The following TTLL11 variants were observed in gnomAD, a reference collection of about 807,000 sequenced individuals.
TTLL11 encodes tubulin tyrosine ligase like 11.
A neutral mutation model predicts 51.7 loss-of-function variants in TTLL11; 42 were observed. The observed-to-expected ratio is 0.81, with a 90% confidence interval of 0.64 to 1.05. The LOEUF is 1.05. Ranked by LOEUF, TTLL11 falls within the 50% of genes least tolerant of loss-of-function variation. TTLL11 has a pLI of 0.00. For synonymous variants in TTLL11, 381 were observed against 383.5 expected, an observed-to-expected ratio of 0.99 and a Z score of 0.08; for missense variants, 799 against 940.4, an observed-to-expected ratio of 0.85 and a Z score of 1.97.
At chr9:122,000,353 T>C (rs1489083932) in intron 3 of TTLL11, among the ~76,000 whole-genome samples, 1 of 151,100 alleles carries the variant, frequency 6.6e-6, no homozygotes, top group Non-Finnish European at 1.5e-5. Context: ...GCACCTGTAG[T>C]CCCAGCTACT....
chr9:121,979,023 T>C (rs1001930870), intron 4 of TTLL11, among the ~76,000 whole-genome samples: 2 of 117,244 alleles, frequency 1.7e-5, no homozygotes, highest in African/African-American at 5.7e-5. Flanking sequence ...TTCTAACAGA[T>C]AGAATAGGGC....
At chr9:122,031,381 G>C (rs1458107228) in intron 3 of TTLL11, among the ~76,000 whole-genome samples, 2 of 152,200 alleles carry the variant, frequency 1.3e-5, no homozygotes, top group African/African-American at 2.4e-5. Context: ...CACGGCTCTA[G>C]GATTCCCCCA....
At chr9:122,065,273 T>C (rs1845549288) in intron 1 of TTLL11, among the ~76,000 whole-genome samples, 1 of 152,038 alleles carries the variant, frequency 6.6e-6, no homozygotes, top group South Asian at 2.1e-4. Flanking sequence ...CTGGGTAGAG[T>C]TCCTCGAAGT....
intron 4 of TTLL11, among the ~76,000 whole-genome samples, chr9:121,984,776 C>A (rs1397193655): frequency 6.6e-6 from 1 of 152,190 alleles, no homozygotes; most frequent in Non-Finnish European, 1.5e-5. Context: ...AAGATACAGA[C>A]CAAGCAATGG....
chr9:121,822,874 A>G lies in TTLL11; in HGVS notation c.1846T>C (p.Cys616Arg). The G allele has an allele frequency of 6.5e-7, 1 of 1,549,202 alleles. No individual in the cohort carries two copies. Among genetic ancestry groups the G allele is most frequent in the Non-Finnish European group, 8.7e-7 (1 of 1,145,906 alleles). The change falls in exon 9 of 9, where the codon TGT (cysteine) becomes CGT (arginine). Residue 616 changes from cysteine to arginine, a missense_variant. Around this residue, in one of 3 missense-constraint regions of TTLL11, gnomAD observed 165 missense variants for 166.1 expected, o/e 0.99. Transcript: ENST00000321582. This position sits in a 1 kb window ranked among gnomAD's most constrained non-coding sequence, Gnocchi z 5.8. ...AAAGCTTCTACGAAGGCCTGCAGAC[A>G]CATCCCTGTGAACAAAGAGACTGGA... ...MTLDQRDSGMCLQAFVEAFFF... is the reference protein window; with the variant it reads ...MTLDQRDSGMRLQAFVEAFFF...
rs145871219 is a variant in TTLL11, at chr9:121,837,984, T to C, written c.1841-15105A>G. ...CTGGCTTCTGTCTGCTTTTCCTTGCTGTGGGCCCCACAGGGCTCTCTCTCT... is the reference window on the plus strand; with the variant it reads ...CTGGCTTCTGTCTGCTTTTCCTTGCCGTGGGCCCCACAGGGCTCTCTCTCT... On this transcript the variant is annotated intron_variant, in intron 8 of 8. Coordinates refer to ENST00000321582, the MANE Select transcript of TTLL11 (RefSeq NM_001139442.2). 2.6e-5 allele frequency among the ~76,000 whole-genome samples: 4 copies of C among 152,328 alleles called. No homozygotes were observed. In the East Asian group the frequency reaches 7.7e-4, roughly 29 times the overall value.
At chr9:122,065,370 C>T (rs1397759364) in intron 1 of TTLL11, among the ~76,000 whole-genome samples, 1 of 152,206 alleles carries the variant, frequency 6.6e-6, no homozygotes, top group African/African-American at 2.4e-5. Flanking sequence ...AAAAATGCTG[C>T]CCCTCCTTTC....
chr9:121,931,852 C>T (rs1227794017), intron 6 of TTLL11, among the ~76,000 whole-genome samples: 1 of 152,120 alleles, frequency 6.6e-6, no homozygotes, highest in East Asian at 1.9e-4. Flanking sequence ...ACTGTGGCTC[C>T]TCTCGCCCCA....
chr9:122,014,235 C>T (rs1381826517), intron 3 of TTLL11, among the ~76,000 whole-genome samples: 1 of 152,074 alleles, frequency 6.6e-6, no homozygotes. Context: ...CATGGTGGCG[C>T]AGGCCTGTAA....
chr9:121,840,939 A>G (rs7044031), intron 8 of TTLL11, among the ~76,000 whole-genome samples: 9,034 of 152,242 alleles, frequency 0.059, 742 homozygotes, highest in African/African-American at 0.19. Flanking sequence ...CTCCACTGGG[A>G]GCAGGTGGAA....
intron 1 of TTLL11, 145 bp downstream of exon 1, chr9:122,092,542 T>C: frequency 7.0e-7 from 1 of 1,438,816 alleles, no homozygotes; most frequent in Non-Finnish European, 9.1e-7. Context: ...GGATGAGCAC[T>C]TTGCGGCTGA....
intron 8 of TTLL11, among the ~76,000 whole-genome samples, chr9:121,851,008 A>G (rs1337229965): frequency 6.6e-6 from 1 of 152,216 alleles, no homozygotes; most frequent in African/African-American, 2.4e-5. Context: ...TATTATTCAG[A>G]GATAAAAAGA....
chr9:121,972,090 CTATA>C (rs1842594367), intron 6 of TTLL11, among the ~76,000 whole-genome samples: 2 of 150,510 alleles, frequency 1.3e-5, no homozygotes, highest in African/African-American at 4.9e-5. Flanking sequence ...TGTAACAAAC[CTATA>C]TGTTCTGCAC....
At chr9:122,058,073 G>C (rs1237475281) in intron 1 of TTLL11, among the ~76,000 whole-genome samples, 1 of 152,252 alleles carries the variant, frequency 6.6e-6, no homozygotes, top group Non-Finnish European at 1.5e-5. Context: ...CTGCTGGAAG[G>C]AAAGGTGTGG....
At chr9:122,088,821 C>T (rs1477563417) in intron 1 of TTLL11, among the ~76,000 whole-genome samples, 4 of 151,986 alleles carry the variant, frequency 2.6e-5, no homozygotes, top group Non-Finnish European at 2.9e-5. Flanking sequence ...GTCTGGCCAA[C>T]ATGGTGAAAC....
chr9:122,088,036 AG>A (rs1392551269), intron 1 of TTLL11, among the ~76,000 whole-genome samples: 1 of 152,156 alleles, frequency 6.6e-6, no homozygotes, highest in African/African-American at 2.4e-5. Flanking sequence ...GAATCATCTG[AG>A]GGCTGGCATG....
intron 6 of TTLL11, among the ~76,000 whole-genome samples, chr9:121,927,370 C>T (rs1840774263): frequency 6.6e-6 from 1 of 152,198 alleles, no homozygotes; most frequent in Non-Finnish European, 1.5e-5. Flanking sequence ...TTCAGTTCCT[C>T]CGGGAATTTG....
chr9:121,949,902 A>C (rs532638475), intron 6 of TTLL11, among the ~76,000 whole-genome samples: 1 of 152,214 alleles, frequency 6.6e-6, no homozygotes, highest in African/African-American at 2.4e-5. Flanking sequence ...TGCCCCAGGC[A>C]ACATGTCTGG....
chr9:121,863,118 C>T (rs532256311), intron 7 of TTLL11, among the ~76,000 whole-genome samples: 9 of 152,264 alleles, frequency 5.9e-5, no homozygotes, highest in Non-Finnish European at 8.8e-5. Context: ...GCTCCTGCTC[C>T]GTATTTCAAT....
Sources: allele counts gnomAD v4.1 joint callset (sites outside exome capture counted in the v4.1 genomes callset), GRCh38; gene constraint gnomAD v4.1.1; regional missense constraint gnomAD v4.1.1; non-coding constraint Gnocchi (gnomAD v3.1); transcripts MANE v1.5; gene names NCBI Gene and HGNC (gene_info 2026-07-23, HGNC 2026-07-21).